The following HACE1 variants were observed in gnomAD, a reference collection of about 807,000 sequenced individuals.
The protein encoded by HACE1 is E3 ubiquitin-protein ligase HACE1.
Under a neutral mutation model 118.4 loss-of-function variants are expected in HACE1, and 73 were observed. The observed-to-expected ratio is 0.62, with a 90% CI of 0.51 to 0.75. The LOEUF (loss-of-function observed/expected upper bound fraction) is 0.75, where lower values mean the gene tolerates loss of function less well. Among genes scored for constraint, HACE1 ranks in the 30% least tolerant of loss-of-function variants. HACE1 has a pLI of 0.00. For synonymous variants in HACE1, 368 were observed against 374.8 expected, an observed-to-expected ratio of 0.98 and a Z score of 0.21; for missense variants, 749 against 1,102.2, an observed-to-expected ratio of 0.68 and a Z score of 4.54.
chr6:104,787,751 T>C (rs1782599348), intron 11 of HACE1, among the ~76,000 whole-genome samples: 2 of 151,376 alleles, frequency 1.3e-5, no homozygotes, highest in Non-Finnish European at 2.9e-5. Context: ...GTGTAAAAAA[T>C]GAAAGACAAA....
rs566541658 is a variant in HACE1, at chr6:104,798,323, A to G, written c.618-1298T>C. On this transcript the variant is annotated intron_variant, in intron 7 of 23. Transcript: ENST00000262903. The stretch of plus-strand genomic sequence containing the variant: ...AGATTTCTCAGAAACTTAAAAAACA[A>G]AACACTATTCATTCTCTTTCACAAA... 3.3e-5 allele frequency among the ~76,000 whole-genome samples: 5 copies of G among 152,242 alleles called. No homozygotes were observed. The South Asian group carries it at 1.0e-3, about 32-fold the overall frequency.
intron 19 of HACE1, among the ~76,000 whole-genome samples, chr6:104,766,606 C>T (rs1262271629): frequency 2.0e-5 from 3 of 152,112 alleles, no homozygotes; most frequent in Non-Finnish European, 4.4e-5. Context: ...ATAAGACTAG[C>T]AATAAAACCA....
chr6:104,812,240 G>A (rs1456781222), intron 6 of HACE1, among the ~76,000 whole-genome samples: 2 of 152,094 alleles, frequency 1.3e-5, no homozygotes, highest in Admixed American at 6.6e-5. Context: ...CCAGTAGTTT[G>A]AGACCAGTTT....
chr6:104,807,132 T>C (rs1458360828), intron 7 of HACE1, among the ~76,000 whole-genome samples: 2 of 151,442 alleles, frequency 1.3e-5, no homozygotes, highest in Non-Finnish European at 2.9e-5. Flanking sequence ...CAAGTGATTC[T>C]CCTGCCTCAG....
chr6:104,841,173 A>C (rs1046665414), intron 5 of HACE1, among the ~76,000 whole-genome samples: 10 of 151,592 alleles, frequency 6.6e-5, no homozygotes, highest in Admixed American at 6.6e-5. Context: ...GGAAGTTTGG[A>C]GGTTGGGGAG....
intron 20 of HACE1, among the ~76,000 whole-genome samples, chr6:104,745,412 T>C (rs903887017): frequency 6.6e-6 from 1 of 152,070 alleles, no homozygotes; most frequent in Non-Finnish European, 1.5e-5. Context: ...GAGGCAATGA[T>C]TGGCCTACAC....
At chr6:104,792,913 T>A (rs1203387569) in intron 10 of HACE1, among the ~76,000 whole-genome samples, 2 of 152,140 alleles carry the variant, frequency 1.3e-5, no homozygotes, top group Non-Finnish European at 2.9e-5. Context: ...AAGCTCAAGG[T>A]TGTTGCTGCC....
chr6:104,854,336 A>G (rs935723740), intron 1 of HACE1, among the ~76,000 whole-genome samples: 1 of 152,204 alleles, frequency 6.6e-6, no homozygotes, highest in Non-Finnish European at 1.5e-5. Context: ...AAATTTTAAC[A>G]AACTCTGTAG....
intron 11 of HACE1, 177 bp from the exon 12 acceptor site, chr6:104,785,496 C>G: frequency 1.8e-6 from 1 of 569,364 alleles, no homozygotes; most frequent in South Asian, 2.3e-5. Context: ...TATACAAATG[C>G]TACATAAATG....
In HACE1 at chr6:104,779,384, AC is replaced by A. The variant is rs557283178; in HGVS notation, c.1567-2068del. 8.5e-4 allele frequency among the ~76,000 whole-genome samples: 129 copies of A among 152,336 alleles called. 1 individual carries two copies. Among genetic ancestry groups the A allele is most frequent in the African/African-American group, 3.0e-3 (123 of 41,574 alleles). On this transcript the variant is annotated intron_variant, in intron 14 of 23. Coordinates refer to ENST00000262903, the MANE Select transcript of HACE1 (RefSeq NM_020771.4). The stretch of plus-strand genomic sequence containing the variant: ...CACTTGTTATTAATTCTTAATAAAA[AC>A]AATATGATCGATGAGAGATGAACTT...
At chr6:104,852,210 T>C (rs1582787550) in intron 2 of HACE1, 107 bp downstream of exon 2, 1 of 671,722 alleles carries the variant, frequency 1.5e-6, no homozygotes, top group East Asian at 2.7e-5. Flanking sequence ...TGTGTGTGTG[T>C]GTGTGTGTGT....
intron 22 of HACE1, among the ~76,000 whole-genome samples, chr6:104,735,191 C>T (rs940766789): frequency 2.6e-5 from 4 of 151,678 alleles, no homozygotes; most frequent in Non-Finnish European, 4.4e-5. Flanking sequence ...CTTTGATACA[C>T]CAAGAAAACT....
chr6:104,843,311 A>G lies in HACE1; in HGVS notation c.327-13T>C. The G allele has an allele frequency of 1.6e-6, 2 of 1,247,922 alleles. No homozygotes were observed. The highest frequency in any genetic ancestry group is 1.2e-6 in the Non-Finnish European group (1 of 846,414). 77.3% of individuals were successfully genotyped at this position (1,247,922 alleles called of 1,614,324 possible). On this transcript the variant is annotated splice_polypyrimidine_tract_variant and intron_variant, in intron 4 of 23. Coordinates refer to ENST00000262903, the MANE Select transcript of HACE1 (RefSeq NM_020771.4). The stretch of plus-strand genomic sequence containing the variant: ...ACATTTCTTCTGCCTGAAAAGAAAA[A>G]AGAGTCATGGATAACTGGTACTTAA...
At position 104,785,363 on chromosome 6, in the gene HACE1, C is replaced by T. The variant is rs374264026; in HGVS notation, c.1075-44G>A. 17 of 1,023,018 alleles carry T rather than the reference C, an allele frequency of 1.7e-5. No homozygotes were observed. The African/African-American group carries it at 2.9e-4, about 17-fold the overall frequency. The allele number at this position is 1,023,018 out of a possible 1,614,324, so 63.4% of individuals were successfully genotyped here. A position where few individuals can be genotyped will look rare whatever the true frequency, so the allele number is the denominator to read the frequency against. ...TTTTTTAAACATCATTCTTAAACTACAGGATTAAAAAAAAAAAAACAAAAC... is the reference window on the plus strand; with the variant it reads ...TTTTTTAAACATCATTCTTAAACTATAGGATTAAAAAAAAAAAAACAAAAC... On this transcript the variant is annotated intron_variant, in intron 11 of 23. Transcript: ENST00000262903.
intron 6 of HACE1, among the ~76,000 whole-genome samples, chr6:104,826,210 T>G (rs1481285237): frequency 6.6e-6 from 1 of 152,198 alleles, no homozygotes; most frequent in African/African-American, 2.4e-5. Flanking sequence ...TCCATGAAAC[T>G]GGGCCCTAGT....
intron 6 of HACE1, among the ~76,000 whole-genome samples, chr6:104,822,009 A>G (rs1170245277): frequency 2.0e-5 from 3 of 151,920 alleles, no homozygotes; most frequent in Non-Finnish European, 4.4e-5. Context: ...GGAGTTCAAG[A>G]CCAATCTGGG....
intron 7 of HACE1, among the ~76,000 whole-genome samples, chr6:104,805,509 G>A (rs1582565650): frequency 1.3e-5 from 2 of 152,180 alleles, no homozygotes; most frequent in Non-Finnish European, 2.9e-5. Flanking sequence ...ATACACCATG[G>A]AATACTATGC....
intron 3 of HACE1, among the ~76,000 whole-genome samples, chr6:104,849,698 G>C (rs1456654248): frequency 6.8e-6 from 1 of 146,824 alleles, no homozygotes; most frequent in Non-Finnish European, 1.5e-5. Context: ...ACCCAGGCTG[G>C]AGTGCAGTGG....
chr6:104,735,686 T>C (rs113495552), intron 22 of HACE1, among the ~76,000 whole-genome samples: 5 of 152,150 alleles, frequency 3.3e-5, no homozygotes, highest in African/African-American at 1.2e-4. Flanking sequence ...GAGTACATTC[T>C]CTCATTCTCT....
Sources: gnomAD v4.1 joint callset for allele counts (sites outside exome capture counted in the v4.1 genomes callset) on GRCh38, gnomAD v4.1.1 for gene constraint, MANE v1.5 for transcripts, NCBI Gene and HGNC (gene_info 2026-07-23, HGNC 2026-07-21) for gene names.